The following NTM variants were observed in gnomAD, a reference collection of about 807,000 sequenced individuals.
The protein encoded by NTM is IgLON family member 2.
A neutral mutation model predicts 42.1 loss-of-function variants in NTM; 13 were observed. That is an observed-to-expected ratio of 0.31 (90% confidence interval 0.20 to 0.49). NTM has a LOEUF of 0.49. NTM is among the 20% of genes least tolerant of loss of function. The pLI is 0.99. For synonymous variants in NTM, 187 were observed against 179.2 expected, an observed-to-expected ratio of 1.04 and a Z score of -0.35; for missense variants, 373 against 452.8, an observed-to-expected ratio of 0.82 and a Z score of 1.60.
chr11:131,849,992 T>G (rs1227109434), intron 1 of NTM, among the ~76,000 whole-genome samples: 1 of 150,514 alleles, frequency 6.6e-6, no homozygotes, highest in Non-Finnish European at 1.5e-5. Context: ...ATAATAATAA[T>G]AATAAGACCT....
At chr11:132,166,240 G>A (rs999409998) in intron 3 of NTM, among the ~76,000 whole-genome samples, 2 of 152,082 alleles carry the variant, frequency 1.3e-5, no homozygotes, top group East Asian at 1.9e-4. Flanking sequence ...TTAGTTCCAG[G>A]TGTCATTTAC....
intron 1 of NTM, among the ~76,000 whole-genome samples, chr11:131,458,890 A>G (rs999066667): frequency 1.3e-5 from 2 of 152,246 alleles, no homozygotes; most frequent in Non-Finnish European, 2.9e-5. Context: ...AAGCATTTAC[A>G]TTTCTAACAA....
intron 2 of NTM, among the ~76,000 whole-genome samples, chr11:131,988,721 A>G (rs2066497090): frequency 6.6e-6 from 1 of 152,190 alleles, no homozygotes; most frequent in South Asian, 2.1e-4. Context: ...TCATTTTGAC[A>G]GTTTTCTGGG....
At chr11:131,588,008 G>C (rs2059025282) in intron 1 of NTM, among the ~76,000 whole-genome samples, 10 of 152,206 alleles carry the variant, frequency 6.6e-5, no homozygotes, top group Admixed American at 6.6e-4. Context: ...TGGAATGCTT[G>C]CTATGTGCCA....
rs577455332 is a variant in NTM, at chr11:131,812,962, G to A, written c.83-98602G>A. Among the ~76,000 whole-genome samples the A allele has an allele frequency of 5.3e-5, 8 of 152,332 alleles. No individual in the cohort carries two copies. In the East Asian group the frequency reaches 1.5e-3, roughly 29 times the overall value. ...AGTCTCCAGCTGGCTCAAAGGTGGA[G>A]ACTATTGCACCGTAAGGCATCCCTT... is the stretch of plus-strand genomic sequence containing the variant. On this transcript the variant is annotated intron_variant, in intron 1 of 8. Coordinates refer to ENST00000683400, the MANE Select transcript of NTM (RefSeq NM_001352005.2).
chr11:131,640,776 C>T (rs1051072230), intron 1 of NTM, among the ~76,000 whole-genome samples: 1 of 152,144 alleles, frequency 6.6e-6, no homozygotes, highest in Non-Finnish European at 1.5e-5. Context: ...CAAGGAGGGA[C>T]CTAAACATTA....
intron 1 of NTM, among the ~76,000 whole-genome samples, chr11:131,555,560 A>G (rs187327341): frequency 3.3e-5 from 5 of 152,310 alleles, no homozygotes; most frequent in African/African-American, 9.6e-5. Context: ...GGCATACCCA[A>G]TGACAGGTAG....
chr11:131,479,889 A>G (rs540645217), intron 1 of NTM, among the ~76,000 whole-genome samples: 19 of 151,808 alleles, frequency 1.3e-4, no homozygotes, highest in African/African-American at 4.6e-4. Context: ...ATTTTGATAA[A>G]TTTTTTTTTA....
At chr11:131,918,025 G>GA (rs2056664884) in intron 2 of NTM, among the ~76,000 whole-genome samples, 1 of 152,232 alleles carries the variant, frequency 6.6e-6, no homozygotes, top group Non-Finnish European at 1.5e-5. Flanking sequence ...GTGCTTTGCA[G>GA]AAAAACGTCT....
At chr11:131,503,183 G>A (rs2047046963) in intron 1 of NTM, among the ~76,000 whole-genome samples, 2 of 152,178 alleles carry the variant, frequency 1.3e-5, no homozygotes, top group South Asian at 4.1e-4. Context: ...TTGATGATGA[G>A]GGTACAAAGG....
intron 1 of NTM, among the ~76,000 whole-genome samples, chr11:131,611,755 A>G (rs35767239): frequency 0.25 from 38,617 of 152,114 alleles, 5,174 homozygotes; most frequent in South Asian, 0.33. Flanking sequence ...AAGTTGCCAG[A>G]GCTAATGTAA....
chr11:132,289,194 C>T (rs1449537936), intron 4 of NTM, among the ~76,000 whole-genome samples: 1 of 152,146 alleles, frequency 6.6e-6, no homozygotes, highest in Non-Finnish European at 1.5e-5. Context: ...TGTCTTTTCC[C>T]TTGGGAATTA....
chr11:132,059,574 G>C (rs1284500371), intron 2 of NTM, among the ~76,000 whole-genome samples: 1 of 152,118 alleles, frequency 6.6e-6, no homozygotes, highest in Non-Finnish European at 1.5e-5. Flanking sequence ...TCAGATCCTA[G>C]GTTAGCAGTC....
At chr11:132,224,406 T>A (rs1201389982) in intron 4 of NTM, among the ~76,000 whole-genome samples, 3 of 152,024 alleles carry the variant, frequency 2.0e-5, no homozygotes, top group Admixed American at 6.6e-5. Context: ...GGGGAAATTC[T>A]TTTCTCTAGG....
chr11:131,394,389 C>A (rs1449211626), intron 1 of NTM, among the ~76,000 whole-genome samples: 1 of 152,150 alleles, frequency 6.6e-6, no homozygotes, highest in Non-Finnish European at 1.5e-5. Context: ...CCTGTCTAGG[C>A]CCCCTCACTG....
chr11:131,751,165 G>A (rs945907986), intron 1 of NTM, among the ~76,000 whole-genome samples: 2 of 152,158 alleles, frequency 1.3e-5, no homozygotes, highest in Non-Finnish European at 2.9e-5. Context: ...GCCAGGCAAG[G>A]TGGCTCACAC....
intron 3 of NTM, among the ~76,000 whole-genome samples, chr11:132,173,993 A>G (rs1170481384): frequency 6.6e-6 from 1 of 151,838 alleles, no homozygotes; most frequent in Non-Finnish European, 1.5e-5. Flanking sequence ...AGTGTGTCCT[A>G]CTCTCTTTAG....
rs116741870 is a variant in NTM, at chr11:131,924,003, G to T, written c.167+12355G>T. ...GCGTGAAGTACTCAGAACAGTGCCT[G>T]GCACTCTGCTCATACTTGGTGTTAG... On this transcript the variant is annotated intron_variant, in intron 2 of 8. Coordinates refer to ENST00000683400, the MANE Select transcript of NTM (RefSeq NM_001352005.2). 4.2e-3 allele frequency among the ~76,000 whole-genome samples: 636 copies of T among 152,328 alleles called. 3 individuals carry two copies. Among genetic ancestry groups the T allele is most frequent in the African/African-American group, 0.015 (607 of 41,580 alleles).
chr11:131,371,430 G>C (rs1565435520), intron 1 of NTM, among the ~76,000 whole-genome samples: 1 of 152,212 alleles, frequency 6.6e-6, no homozygotes, highest in Non-Finnish European at 1.5e-5. Context: ...GCAGCAGTGG[G>C]GGACAACTGT....
Sources: gnomAD v4.1 joint callset for allele counts (sites outside exome capture counted in the v4.1 genomes callset) on GRCh38, gnomAD v4.1.1 for gene constraint, MANE v1.5 for transcripts, NCBI Gene and HGNC (gene_info 2026-07-23, HGNC 2026-07-21) for gene names.